The following SPAG16 variants were observed in gnomAD, a reference collection of about 807,000 sequenced individuals.
The protein encoded by SPAG16 is sperm-associated antigen 16 protein.
SPAG16 carries 86 observed loss-of-function variants against 80.4 expected under a neutral mutation model. The observed-to-expected ratio is 1.07, with a 90% CI of 0.90 to 1.28. SPAG16 has a LOEUF of 1.28. Among genes scored for constraint, SPAG16 ranks in the 50% most tolerant of loss-of-function variants. The pLI is 0.00. For missense variants in SPAG16, 870 were observed against 765.3 expected (o/e 1.14, Z -1.61); for synonymous variants, 294 against 265.9 (o/e 1.11, Z -1.03).
chr2:213,493,195 C>G (rs2074341346), intron 10 of SPAG16, among the ~76,000 whole-genome samples: 1 of 152,174 alleles, frequency 6.6e-6, no homozygotes, highest in Admixed American at 6.5e-5. Context: ...GCATGACAAG[C>G]ACGACCTAGG....
intron 10 of SPAG16, among the ~76,000 whole-genome samples, chr2:213,805,192 A>G (rs1188311560): frequency 6.6e-6 from 1 of 152,228 alleles, no homozygotes; most frequent in African/African-American, 2.4e-5. Context: ...GTTGTCTGAT[A>G]TGAAAGAAGA....
chr2:213,952,265 G>A (rs1011397705), intron 12 of SPAG16, among the ~76,000 whole-genome samples: 4 of 151,994 alleles, frequency 2.6e-5, no homozygotes, highest in African/African-American at 9.7e-5. Context: ...GGGCATGGTA[G>A]AATGCAGAAA....
intron 15 of SPAG16, among the ~76,000 whole-genome samples, chr2:214,299,708 T>C (rs1323771922): frequency 1.3e-5 from 2 of 152,240 alleles, no homozygotes; most frequent in African/African-American, 2.4e-5. Flanking sequence ...TAGGCTCTTT[T>C]AAGTTGGCTT....
chr2:214,404,443 A>T (rs1313976189), intron 15 of SPAG16, among the ~76,000 whole-genome samples: 1 of 152,214 alleles, frequency 6.6e-6, no homozygotes, highest in Admixed American at 6.5e-5. Flanking sequence ...TGCTGCTGCT[A>T]CTGCGATCAT....
chr2:213,482,283 C>T (rs1053235618), intron 9 of SPAG16, among the ~76,000 whole-genome samples: 105 of 152,192 alleles, frequency 6.9e-4, no homozygotes, highest in Non-Finnish European at 1.0e-3. Flanking sequence ...CCCCATGTTG[C>T]TTTTGCTCAC....
chr2:214,079,508 G>A (rs2125256088), intron 13 of SPAG16, among the ~76,000 whole-genome samples: 1 of 152,306 alleles, frequency 6.6e-6, no homozygotes, highest in Middle Eastern at 3.4e-3. Flanking sequence ...ATGTTAGAAA[G>A]TTTGGATTCC....
intron 15 of SPAG16, among the ~76,000 whole-genome samples, chr2:214,178,423 A>G (rs1418968505): frequency 1.3e-5 from 2 of 151,306 alleles, no homozygotes; most frequent in Non-Finnish European, 3.0e-5. Context: ...TGAACAAAAA[A>G]TACTATGGTA....
intron 10 of SPAG16, among the ~76,000 whole-genome samples, chr2:213,769,809 C>T (rs1028384525): frequency 2.6e-5 from 4 of 152,108 alleles, no homozygotes; most frequent in African/African-American, 9.7e-5. Flanking sequence ...AATTCATATA[C>T]CCATATACAG....
chr2:213,841,420 T>G (rs2074360904), intron 10 of SPAG16, among the ~76,000 whole-genome samples: 1 of 152,192 alleles, frequency 6.6e-6, no homozygotes, highest in African/African-American at 2.4e-5. Flanking sequence ...TGCATCTTAA[T>G]GTCACTTTTT....
chr2:213,868,500 A>G (rs187192421), intron 11 of SPAG16, among the ~76,000 whole-genome samples: 1 of 152,334 alleles, frequency 6.6e-6, no homozygotes, highest in East Asian at 1.9e-4. Flanking sequence ...AGTAAAACTC[A>G]TGCTACATTA....
At chr2:213,666,523 C>T (rs2125202877) in intron 10 of SPAG16, among the ~76,000 whole-genome samples, 1 of 152,292 alleles carries the variant, frequency 6.6e-6, no homozygotes, top group South Asian at 2.1e-4. Flanking sequence ...TTGCCTAACA[C>T]CAGTGTCCCA....
chr2:213,384,449 T>A (rs2067323641), intron 9 of SPAG16, among the ~76,000 whole-genome samples: 1 of 152,180 alleles, frequency 6.6e-6, no homozygotes, highest in Non-Finnish European at 1.5e-5. Context: ...TTAGTCCCTA[T>A]ATGCCTCAGC....
intron 15 of SPAG16, among the ~76,000 whole-genome samples, chr2:214,187,127 T>C (rs1012288155): frequency 3.2e-4 from 48 of 152,120 alleles, no homozygotes; most frequent in African/African-American, 1.1e-3. Flanking sequence ...GGAACCACTA[T>C]GGTAGGACAC....
chr2:213,398,658 T>C (rs1191187298), intron 9 of SPAG16, among the ~76,000 whole-genome samples: 1 of 152,224 alleles, frequency 6.6e-6, no homozygotes, highest in Middle Eastern at 3.2e-3. Flanking sequence ...CCATCCAATC[T>C]AAATTTTAAT....
At chr2:214,172,980 G>T (rs1356498360) in intron 15 of SPAG16, among the ~76,000 whole-genome samples, 1 of 151,928 alleles carries the variant, frequency 6.6e-6, no homozygotes, top group African/African-American at 2.4e-5. Flanking sequence ...TGAGTTCATT[G>T]TAGATTCTGG....
At chr2:214,346,255 T>C (rs1290772818) in intron 15 of SPAG16, among the ~76,000 whole-genome samples, 1 of 151,786 alleles carries the variant, frequency 6.6e-6, no homozygotes, top group African/African-American at 2.4e-5. Context: ...AAATGTTCAT[T>C]TGTAAATTCT....
intron 12 of SPAG16, among the ~76,000 whole-genome samples, chr2:213,950,905 G>A (rs1399839211): frequency 6.6e-6 from 1 of 151,362 alleles, no homozygotes; most frequent in Non-Finnish European, 1.5e-5. Context: ...TAGAGACAGT[G>A]TCTCTCTATG....
At chr2:213,887,937 T>C (rs955253509) in intron 11 of SPAG16, among the ~76,000 whole-genome samples, 1 of 151,896 alleles carries the variant, frequency 6.6e-6, no homozygotes, top group East Asian at 1.9e-4. Context: ...TATGTACTTT[T>C]CTGTTCTGAT....
chr2:214,023,409 A>T (rs893893160), intron 13 of SPAG16, among the ~76,000 whole-genome samples: 2 of 25,528 alleles, frequency 7.8e-5, no homozygotes, highest in African/African-American at 1.5e-4. Context: ...GCATTCATTA[A>T]AAAAAAAAGA....
Sources: allele counts gnomAD v4.1 joint callset (sites outside exome capture counted in the v4.1 genomes callset), GRCh38; gene constraint gnomAD v4.1.1; transcripts MANE v1.5; gene names NCBI Gene and HGNC (gene_info 2026-07-23, HGNC 2026-07-21).